Variants in DLGAP1 observed in about 807,000 individuals in gnomAD.
DLGAP1 encodes DLG associated protein 1.
In DLGAP1, 11 loss-of-function variants were observed where a neutral mutation model predicts 90.8. The observed-to-expected ratio is 0.12, with a 90% confidence interval of 0.08 to 0.20. The LOEUF (loss-of-function observed/expected upper bound fraction) is 0.20. Among genes scored for constraint, DLGAP1 ranks in the 10% least tolerant of loss-of-function variants. DLGAP1 has a pLI of 1.00. For missense variants in DLGAP1, 1,050 were observed against 1,333.8 expected (o/e 0.79, Z 3.31); for synonymous variants, 558 against 540.7 (o/e 1.03, Z -0.44).
intron 1 of DLGAP1, among the ~76,000 whole-genome samples, chr18:4,371,441 T>C (rs535230633): frequency 3.9e-5 from 6 of 152,246 alleles, no homozygotes; most frequent in Non-Finnish European, 8.8e-5. Context: ...TTAGAGCAGA[T>C]AGCATCACAT....
At chr18:3,682,705 A>G (rs571959049) in intron 7 of DLGAP1, among the ~76,000 whole-genome samples, 1 of 152,322 alleles carries the variant, frequency 6.6e-6, no homozygotes, top group East Asian at 1.9e-4. Flanking sequence ...TGTCGGCTGT[A>G]GCCCTCTGAG....
intron 3 of DLGAP1, among the ~76,000 whole-genome samples, chr18:3,888,891 A>T (rs957684932): frequency 2.6e-5 from 4 of 152,148 alleles, no homozygotes; most frequent in Non-Finnish European, 4.4e-5. Context: ...TATGCTTCCT[A>T]TGGAATTGTT....
intron 2 of DLGAP1, among the ~76,000 whole-genome samples, chr18:4,045,682 T>G (rs1161946273): frequency 1.3e-5 from 2 of 151,736 alleles, no homozygotes; most frequent in Non-Finnish European, 2.9e-5. Context: ...TACCATTTAA[T>G]TAATAGAGTA....
intron 1 of DLGAP1, among the ~76,000 whole-genome samples, chr18:4,434,227 C>T (rs887689673): frequency 3.3e-5 from 5 of 151,958 alleles, no homozygotes; most frequent in Non-Finnish European, 7.4e-5. Flanking sequence ...CATACACCTC[C>T]CCCGAAAAAA....
chr18:3,833,068 T>C (rs893091672), intron 4 of DLGAP1, among the ~76,000 whole-genome samples: 1 of 152,202 alleles, frequency 6.6e-6, no homozygotes. Context: ...GTAGCTTTTG[T>C]TGTGCCCTAT....
At chr18:3,915,479 G>C (rs972326841) in intron 3 of DLGAP1, among the ~76,000 whole-genome samples, 8 of 152,168 alleles carry the variant, frequency 5.3e-5, no homozygotes, top group African/African-American at 1.9e-4. Flanking sequence ...TAATTGAGGA[G>C]ATTAAAAAGG....
intron 7 of DLGAP1, among the ~76,000 whole-genome samples, chr18:3,685,493 G>A (rs1367752665): frequency 3.4e-5 from 5 of 146,096 alleles, no homozygotes; most frequent in African/African-American, 1.3e-4. Flanking sequence ...GAACCCGGGA[G>A]GCAGAACTTG....
At chr18:4,077,084 T>C (rs2075535156) in intron 2 of DLGAP1, among the ~76,000 whole-genome samples, 1 of 152,168 alleles carries the variant, frequency 6.6e-6, no homozygotes. Context: ...ATGAATGACC[T>C]TCACTCTATG....
chr18:3,906,142 T>A (rs1478687664), intron 3 of DLGAP1, among the ~76,000 whole-genome samples: 2 of 152,336 alleles, frequency 1.3e-5, no homozygotes, highest in African/African-American at 4.8e-5. Flanking sequence ...CTTTTGAAAT[T>A]GATGTAAACT....
At chr18:4,143,428 A>G (rs2076529159) in intron 2 of DLGAP1, among the ~76,000 whole-genome samples, 1 of 151,496 alleles carries the variant, frequency 6.6e-6, no homozygotes, top group South Asian at 2.1e-4. Context: ...CTGCCAGGGT[A>G]CTGCTGGTGG....
chr18:3,581,401 T>A (rs538101247), intron 8 of DLGAP1, among the ~76,000 whole-genome samples: 1 of 152,242 alleles, frequency 6.6e-6, no homozygotes, highest in Non-Finnish European at 1.5e-5. Context: ...ACACCTCTGT[T>A]TGGAACCTGG....
chr18:4,440,189 T>C (rs1598425529), intron 1 of DLGAP1, among the ~76,000 whole-genome samples: 1 of 151,348 alleles, frequency 6.6e-6, no homozygotes, highest in African/African-American at 2.4e-5. Flanking sequence ...AAGAATCATT[T>C]ATGTCAAGAG....
At chr18:3,869,100 G>A (rs1201351050) in intron 4 of DLGAP1, among the ~76,000 whole-genome samples, 1 of 151,864 alleles carries the variant, frequency 6.6e-6, no homozygotes, top group Non-Finnish European at 1.5e-5. Context: ...CTGGAATAAG[G>A]CAGCAGGAGC....
At chr18:3,766,924 AAACTC>A (rs1350125484) in intron 5 of DLGAP1, among the ~76,000 whole-genome samples, 1 of 152,110 alleles carries the variant, frequency 6.6e-6, no homozygotes, top group Non-Finnish European at 1.5e-5. Flanking sequence ...AGATCAGAAT[AAACTC>A]AAAACAAGCA....
chr18:3,871,944 T>C (rs906750884), intron 4 of DLGAP1, among the ~76,000 whole-genome samples: 11 of 152,202 alleles, frequency 7.2e-5, no homozygotes, highest in Admixed American at 2.0e-4. Flanking sequence ...AGTTCTGTGA[T>C]ATCACAAGCC....
chr18:4,100,219 T>C (rs913510716), intron 2 of DLGAP1, among the ~76,000 whole-genome samples: 1 of 152,324 alleles, frequency 6.6e-6, no homozygotes, highest in African/African-American at 2.4e-5. Context: ...GAAGTCAAAA[T>C]TAGTCCTTGA....
At chr18:4,306,944 G>T (rs1232571262) in intron 1 of DLGAP1, among the ~76,000 whole-genome samples, 3 of 151,588 alleles carry the variant, frequency 2.0e-5, no homozygotes, top group African/African-American at 7.3e-5. Flanking sequence ...TGTTTTGTTT[G>T]TCCTTCTCAA....
At chr18:4,450,030 A>G (rs1013037410) in intron 1 of DLGAP1, among the ~76,000 whole-genome samples, 1 of 152,202 alleles carries the variant, frequency 6.6e-6, no homozygotes, top group Non-Finnish European at 1.5e-5. Flanking sequence ...TGAAAAGGTG[A>G]CTTTGCCTTC....
At chr18:4,327,742 T>A (rs1241533640) in intron 1 of DLGAP1, among the ~76,000 whole-genome samples, 1 of 152,026 alleles carries the variant, frequency 6.6e-6, no homozygotes, top group East Asian at 1.9e-4. Flanking sequence ...TTCAATAGTG[T>A]CACCCCATTT....
Sources: allele counts gnomAD v4.1 joint callset (sites outside exome capture counted in the v4.1 genomes callset), GRCh38; gene constraint gnomAD v4.1.1; transcripts MANE v1.5; gene names NCBI Gene and HGNC (gene_info 2026-07-23, HGNC 2026-07-21).